Variants in UNC79 observed in about 807,000 individuals in gnomAD.
UNC79 encodes protein unc-79 homolog.
Under a neutral mutation model 283.1 loss-of-function variants are expected in UNC79, and 37 were observed. The observed-to-expected ratio is 0.13, with a 90% CI of 0.10 to 0.17. The LOEUF (loss-of-function observed/expected upper bound fraction) is 0.17. Ranked by LOEUF, UNC79 falls within the 10% of genes least tolerant of loss-of-function variation. UNC79 has a pLI of 1.00. For synonymous variants in UNC79, 1,107 were observed against 1,200.2 expected, an observed-to-expected ratio of 0.92 and a Z score of 1.61; for missense variants, 2,272 against 3,211.1, an observed-to-expected ratio of 0.71 and a Z score of 7.07.
intron 8 of UNC79, among the ~76,000 whole-genome samples, chr14:93,525,661 G>A (rs974863289): frequency 6.6e-5 from 10 of 152,082 alleles, no homozygotes; most frequent in Non-Finnish European, 1.3e-4. Flanking sequence ...GACTTTCATG[G>A]TTCCTTCTTA....
chr14:93,462,047 C>T (rs1218701500), intron 1 of UNC79, among the ~76,000 whole-genome samples: 3 of 152,094 alleles, frequency 2.0e-5, no homozygotes, highest in African/African-American at 4.8e-5. Flanking sequence ...TGGCTCTTGC[C>T]TGTAATCCCA....
exon 26 of UNC79, chr14:93,603,340 T>G: frequency 1.2e-6 from 2 of 1,614,114 alleles, no homozygotes; most frequent in Non-Finnish European, 1.7e-6. Context: ...GAGTGTACGT[T>G]CCCTGAGGGA....
At chr14:93,594,669 C>T (rs1032366971) in intron 23 of UNC79, among the ~76,000 whole-genome samples, 3 of 152,110 alleles carry the variant, frequency 2.0e-5, no homozygotes, top group Non-Finnish European at 1.5e-5. Flanking sequence ...GGTATAATTT[C>T]CTAGTAAATA....
intron 7 of UNC79, among the ~76,000 whole-genome samples, chr14:93,509,799 C>T (rs957059165): frequency 6.6e-6 from 1 of 152,130 alleles, no homozygotes; most frequent in Admixed American, 6.5e-5. Context: ...TGCAAGCCAT[C>T]GTTGGATCTA....
intron 4 of UNC79, among the ~76,000 whole-genome samples, chr14:93,479,055 ACTC>A (rs2057962343): frequency 6.6e-6 from 1 of 152,200 alleles, no homozygotes; most frequent in African/African-American, 2.4e-5. Context: ...ACTGACAAGT[ACTC>A]ATTTCTTGAT....
At chr14:93,337,787 G>A (rs2053610172) in intron 1 of UNC79, among the ~76,000 whole-genome samples, 1 of 152,216 alleles carries the variant, frequency 6.6e-6, no homozygotes, top group Non-Finnish European at 1.5e-5. Context: ...AACTAGGGCT[G>A]TGACATGCTG....
intron 1 of UNC79, among the ~76,000 whole-genome samples, chr14:93,436,848 A>G (rs66538937): frequency 0.089 from 13,594 of 152,042 alleles, 677 homozygotes; most frequent in Middle Eastern, 0.19. Flanking sequence ...CATTTATTCT[A>G]TTTGTGTCTT....
At chr14:93,489,879 G>T (rs2058639977) in intron 5 of UNC79, among the ~76,000 whole-genome samples, 2 of 152,222 alleles carry the variant, frequency 1.3e-5, no homozygotes, top group Non-Finnish European at 2.9e-5. Flanking sequence ...GCCCCACTCT[G>T]CAGGCTGGGG....
chr14:93,566,721 T>G (rs1331057660), intron 14 of UNC79, among the ~76,000 whole-genome samples: 1 of 148,276 alleles, frequency 6.7e-6, no homozygotes, highest in Non-Finnish European at 1.5e-5. Context: ...CACTGCAACC[T>G]CTGCCTCCCG....
rs546678253 is a variant in UNC79, at chr14:93,688,111, G to A, written c.6910-554G>A. 5.9e-5 allele frequency among the ~76,000 whole-genome samples: 9 copies of A among 152,268 alleles called. No individual in the cohort carries two copies. Among genetic ancestry groups the A allele is most frequent in the African/African-American group, 2.2e-4 (9 of 41,560 alleles). On this transcript the variant is annotated intron_variant, in intron 43 of 48. Coordinates refer to ENST00000555664, the Ensembl canonical transcript of UNC79. The surrounding 1 kb of genome is among the most constrained non-coding windows in gnomAD (Gnocchi z 4.0). ...TAGGTATGAGCACCTGTAATGTCGT[G>A]GCACTGTTCTAGGCATTGGGGATGC...
At position 93,690,245 on chromosome 14, in the gene UNC79, G is replaced by A; in HGVS notation, c.7214G>A (p.Gly2405Asp). 1 of 1,614,126 alleles carries A rather than the reference G, an allele frequency of 6.2e-7. No individual in the cohort carries two copies. The change falls in exon 45 of 49, where the codon GGC becomes GAC. Residue 2405 changes from glycine (G) to aspartate (D), a missense_variant. Gly to Asp is a moderately conservative substitution (Grantham distance 94). Around this residue, in one of 11 missense-constraint regions of UNC79, gnomAD observed 225 missense variants for 334.2 expected, o/e 0.67. Coordinates refer to ENST00000555664, the Ensembl canonical transcript of UNC79. This position sits in a 1 kb window ranked among gnomAD's most constrained non-coding sequence, Gnocchi z 4.3. ...TGCCTGCCCATTCCTCTGGATGCAGGCTCCCACGTTGCAGACCATCTTATT... is the reference window on the plus strand; with the variant it reads ...TGCCTGCCCATTCCTCTGGATGCAGACTCCCACGTTGCAGACCATCTTATT...
chr14:93,361,083 A>G (rs534238391), intron 1 of UNC79, among the ~76,000 whole-genome samples: 54 of 151,864 alleles, frequency 3.6e-4, no homozygotes, highest in Non-Finnish European at 2.4e-4. Flanking sequence ...GCATGGTGGT[A>G]CACGCCTGTA....
Position 93,474,512 on chromosome 14 carries a change from T to C in UNC79, c.448+119T>C, listed in dbSNP as rs561887617. The C allele has an allele frequency of 4.8e-5, 57 of 1,186,312 alleles. No homozygotes were observed. The East Asian group carries it at 1.3e-3, about 28-fold the overall frequency. 73.5% of individuals were successfully genotyped at this position (1,186,312 alleles called of 1,614,324 possible). ...ATCAATCACCTGAAAGGGCTTTGTGTGGCTAGAAGCACTACACTGAAACTT... is the reference window on the plus strand; with the variant it reads ...ATCAATCACCTGAAAGGGCTTTGTGCGGCTAGAAGCACTACACTGAAACTT... On this transcript the variant is annotated intron_variant, in intron 3 of 48. Coordinates refer to ENST00000555664, the Ensembl canonical transcript of UNC79. This position sits in a 1 kb window ranked among gnomAD's most constrained non-coding sequence, Gnocchi z 4.1.
intron 23 of UNC79, among the ~76,000 whole-genome samples, chr14:93,595,029 T>C (rs1376576903): frequency 6.6e-6 from 1 of 152,038 alleles, no homozygotes; most frequent in Non-Finnish European, 1.5e-5. Flanking sequence ...AGGGTTAGGA[T>C]TAATCTTCTG....
In UNC79 at chr14:93,412,014, G is replaced by A. The variant is rs188909362; in HGVS notation, c.-350-55657G>A. ...TTCAGACAGATAATTCAAAATAGCT[G>A]TTTTGAGGAAACTCAAAGAAATTGA... On this transcript the variant is annotated intron_variant, in intron 1 of 49. Transcript: ENST00000256339. Among the ~76,000 whole-genome samples the A allele has an allele frequency of 6.6e-5, 10 of 152,318 alleles. No homozygotes were observed. In the East Asian group the frequency reaches 1.7e-3, roughly 26 times the overall value.
At chr14:93,423,493 A>T (rs1035305755) in intron 1 of UNC79, among the ~76,000 whole-genome samples, 1 of 152,242 alleles carries the variant, frequency 6.6e-6, no homozygotes, top group African/African-American at 2.4e-5. Flanking sequence ...CCAAAATGGC[A>T]TGGTACTGGC....
rs560718477 is a variant in UNC79 at position 93,543,406 on chromosome 14, G to A, written c.1755+710G>A. Among the ~76,000 whole-genome samples, 158 of 149,582 alleles carry A rather than the reference G, an allele frequency of 1.1e-3. 2 individuals are homozygous for A. The highest frequency in any genetic ancestry group is 2.9e-3 in the Admixed American group (44 of 15,094). ...TCCTTTTTTTTTTTTTTGAGACAGG[G>A]TCTCACTTTGTCACCCAGGATGGAC... is the stretch of plus-strand genomic sequence containing the variant. On this transcript the variant is annotated intron_variant, in intron 14 of 48. Transcript: ENST00000555664.
rs377359249 is a variant in UNC79 at position 93,684,400 on chromosome 14, TAGC to T, written c.6819+1709_6819+1711del. Among the ~76,000 whole-genome samples, 202 of 152,308 alleles carry T rather than the reference TAGC, an allele frequency of 1.3e-3. 1 individual carries two copies. In the South Asian group the frequency reaches 0.04, roughly 30 times the overall value. Reference sequence around the variant, plus strand: ...ATGTTTATTAAAGCATCATTTAAAATAGCAGAAATATGGAAACAAAGTAAATGT... The same window carrying T: ...ATGTTTATTAAAGCATCATTTAAAATAGAAATATGGAAACAAAGTAAATGT... On this transcript the variant is annotated intron_variant, in intron 42 of 48. Coordinates refer to ENST00000555664, the Ensembl canonical transcript of UNC79.
intron 26 of UNC79, 71 bp from the exon 27 acceptor site, chr14:93,604,825 C>G: frequency 7.0e-7 from 1 of 1,435,856 alleles, no homozygotes; most frequent in Non-Finnish European, 9.2e-7. Flanking sequence ...ATAAAGTTAG[C>G]ACTGAGTATA....
Sources: allele counts gnomAD v4.1 joint callset (sites outside exome capture counted in the v4.1 genomes callset), GRCh38; gene constraint gnomAD v4.1.1; regional missense constraint gnomAD v4.1.1; non-coding constraint Gnocchi (gnomAD v3.1); transcripts MANE v1.5; gene names NCBI Gene and HGNC (gene_info 2026-07-23, HGNC 2026-07-21).